The following FBXL17 variants were observed in gnomAD, a reference collection of about 807,000 sequenced individuals.
The protein encoded by FBXL17 is F-box and leucine rich repeat protein 17, also known as F-box/LRR-repeat protein 17.
A neutral mutation model predicts 66.2 loss-of-function variants in FBXL17; 22 were observed. That is an observed-to-expected ratio of 0.33 (90% CI 0.24 to 0.47). The LOEUF is 0.47. Among genes scored for constraint, FBXL17 ranks in the 20% least tolerant of loss-of-function variants. The pLI is 1.00. For synonymous variants in FBXL17, 474 were observed against 400.5 expected, an observed-to-expected ratio of 1.18 and a Z score of -2.19; for missense variants, 878 against 948.2, an observed-to-expected ratio of 0.93 and a Z score of 0.97.
chr5:108,169,845 T>C (rs868025601), intron 6 of FBXL17, among the ~76,000 whole-genome samples: 1 of 152,204 alleles, frequency 6.6e-6, no homozygotes, highest in East Asian at 1.9e-4. Flanking sequence ...CTAGGTTTGA[T>C]TGCTATCCAA....
intron 4 of FBXL17, among the ~76,000 whole-genome samples, chr5:108,255,441 A>C (rs1315973277): frequency 6.6e-6 from 1 of 152,216 alleles, no homozygotes; most frequent in African/African-American, 2.4e-5. Flanking sequence ...AGCTAAATTC[A>C]TAAAAGAGGA....
intron 6 of FBXL17, among the ~76,000 whole-genome samples, chr5:108,167,586 T>C (rs563790706): frequency 1.3e-5 from 2 of 152,338 alleles, no homozygotes; most frequent in East Asian, 3.9e-4. Context: ...GGGTAATTTA[T>C]GTAATTGCTC....
chr5:108,286,267 A>G (rs1452430727), intron 4 of FBXL17, among the ~76,000 whole-genome samples: 2 of 151,992 alleles, frequency 1.3e-5, no homozygotes, highest in Non-Finnish European at 2.9e-5. Flanking sequence ...CTCATATTCA[A>G]CATAGTACTG....
intron 7 of FBXL17, among the ~76,000 whole-genome samples, chr5:107,962,872 A>G (rs1049291949): frequency 2.0e-5 from 3 of 152,058 alleles, no homozygotes; most frequent in African/African-American, 7.2e-5. Flanking sequence ...AAATTTGGCA[A>G]AAGTATAAGG....
intron 7 of FBXL17, among the ~76,000 whole-genome samples, chr5:107,919,240 G>A (rs924072578): frequency 2.6e-5 from 4 of 152,122 alleles, no homozygotes; most frequent in Non-Finnish European, 5.9e-5. Flanking sequence ...ACTCTCATTT[G>A]CTCTTACACC....
intron 4 of FBXL17, among the ~76,000 whole-genome samples, chr5:108,226,507 G>A (rs1755106952): frequency 6.6e-6 from 1 of 152,058 alleles, no homozygotes. Flanking sequence ...TTTTTTTAAA[G>A]AACTGGGAGG....
chr5:108,214,663 C>T (rs1179263499), intron 5 of FBXL17, among the ~76,000 whole-genome samples: 1 of 152,130 alleles, frequency 6.6e-6, no homozygotes, highest in African/African-American at 2.4e-5. Context: ...AGCCACCGCA[C>T]CTGGCCCGAT....
intron 6 of FBXL17, among the ~76,000 whole-genome samples, chr5:108,160,264 G>A (rs995895612): frequency 6.6e-6 from 1 of 152,148 alleles, no homozygotes; most frequent in South Asian, 2.1e-4. Flanking sequence ...ATAATACCAC[G>A]ATTAGATTTA....
intron 6 of FBXL17, among the ~76,000 whole-genome samples, chr5:108,057,597 A>ATTTT (rs1747758426): frequency 6.6e-6 from 1 of 152,074 alleles, no homozygotes; most frequent in Non-Finnish European, 1.5e-5. Context: ...ATCTTCAAAA[A>ATTTT]CTCTAAATCT....
At chr5:108,167,946 A>AT (rs1752472389) in intron 6 of FBXL17, among the ~76,000 whole-genome samples, 1 of 152,198 alleles carries the variant, frequency 6.6e-6, no homozygotes, top group South Asian at 2.1e-4. Context: ...ATTTTACAAA[A>AT]GCTGGTGGAA....
intron 4 of FBXL17, among the ~76,000 whole-genome samples, chr5:108,272,746 A>G (rs1757327257): frequency 6.6e-6 from 1 of 152,224 alleles, no homozygotes; most frequent in Non-Finnish European, 1.5e-5. Context: ...TATTGTCATC[A>G]GAAACCTATT....
chr5:107,885,665 G>T (rs1044119994), intron 7 of FBXL17, among the ~76,000 whole-genome samples: 6 of 152,150 alleles, frequency 3.9e-5, no homozygotes, highest in African/African-American at 1.4e-4. Flanking sequence ...GAGGCCAAAA[G>T]AGTTTATATG....
At chr5:108,265,072 A>G (rs1181675614) in intron 4 of FBXL17, among the ~76,000 whole-genome samples, 1 of 152,096 alleles carries the variant, frequency 6.6e-6, no homozygotes, top group Non-Finnish European at 1.5e-5. Context: ...GAAGCAACAG[A>G]ATAATTTATA....
At chr5:107,995,456 C>G (rs535637842) in intron 7 of FBXL17, among the ~76,000 whole-genome samples, 44 of 152,090 alleles carry the variant, frequency 2.9e-4, no homozygotes, top group Middle Eastern at 3.4e-3. Flanking sequence ...ACCAAAAGAA[C>G]CAAAAAGCCA....
chr5:108,302,203 T>G (rs1187466197), intron 4 of FBXL17: 1 of 164,846 alleles, frequency 6.1e-6, no homozygotes, highest in Admixed American at 6.6e-5. Flanking sequence ...AAGACAAAGA[T>G]AGTGTAATGA....
intron 6 of FBXL17, among the ~76,000 whole-genome samples, chr5:108,046,317 A>C (rs983173686): frequency 3.3e-5 from 5 of 152,192 alleles, no homozygotes; most frequent in African/African-American, 9.6e-5. Flanking sequence ...TTTAACTTCC[A>C]ACCTGCCTAT....
intron 7 of FBXL17, among the ~76,000 whole-genome samples, chr5:107,893,864 G>A (rs1201119450): frequency 6.6e-6 from 1 of 152,152 alleles, no homozygotes; most frequent in African/African-American, 2.4e-5. Flanking sequence ...CTTCCACATT[G>A]CAGTGATGAA....
intron 4 of FBXL17, among the ~76,000 whole-genome samples, chr5:108,252,847 A>C (rs1445593482): frequency 6.6e-6 from 1 of 152,180 alleles, no homozygotes; most frequent in Admixed American, 6.5e-5. Context: ...CTTATGCTCT[A>C]ATTGAAAAAT....
chr5:108,131,096 T>A lies in FBXL17; in HGVS notation c.1745+55021A>T, dbSNP rs1027302253. On this transcript the variant is annotated intron_variant, in intron 6 of 8. Coordinates refer to ENST00000542267, the MANE Select transcript of FBXL17 (RefSeq NM_001163315.3). ...TATTTCAAACAGGAATAGGAACAATTTGCAGGTTTAAATCTATGCTTGTTT... is the reference window on the plus strand; with the variant it reads ...TATTTCAAACAGGAATAGGAACAATATGCAGGTTTAAATCTATGCTTGTTT... Among the ~76,000 whole-genome samples, 7 of 152,108 alleles carry A rather than the reference T, an allele frequency of 4.6e-5. No individual in the cohort carries two copies. In the South Asian group the frequency reaches 1.4e-3, roughly 31 times the overall value.
Sources: gnomAD v4.1 joint callset for allele counts (sites outside exome capture counted in the v4.1 genomes callset) on GRCh38, gnomAD v4.1.1 for gene constraint, MANE v1.5 for transcripts, NCBI Gene and HGNC (gene_info 2026-07-23, HGNC 2026-07-21) for gene names.